Variants in NCKAP5 observed in about 807,000 individuals in gnomAD.
The protein encoded by NCKAP5 is nck-associated protein 5.
NCKAP5 carries 92 observed loss-of-function variants against 167.0 expected under a neutral mutation model. The observed-to-expected ratio is 0.55, with a 90% CI of 0.47 to 0.66. The LOEUF is 0.66. NCKAP5 is among the 30% of genes least tolerant of loss of function. NCKAP5 has a pLI of 0.00. For missense variants in NCKAP5, 2,378 were observed against 2,315.0 expected, an observed-to-expected ratio of 1.03 and a Z score of -0.56; for synonymous variants, 891 against 877.4, an observed-to-expected ratio of 1.02 and a Z score of -0.27.
intron 3 of NCKAP5, among the ~76,000 whole-genome samples, chr2:133,501,914 A>G (rs1265319088): frequency 6.6e-6 from 1 of 152,240 alleles, no homozygotes; most frequent in Non-Finnish European, 1.5e-5. Flanking sequence ...CCTCCTGGGA[A>G]TTCCTAAATC....
chr2:133,068,152 T>C (rs978115844), intron 6 of NCKAP5, among the ~76,000 whole-genome samples: 3 of 152,130 alleles, frequency 2.0e-5, no homozygotes, highest in Admixed American at 6.5e-5. Flanking sequence ...CTACTACAGA[T>C]GCTCATAAAA....
intron 11 of NCKAP5, among the ~76,000 whole-genome samples, chr2:132,820,330 C>T (rs188138241): frequency 0.028 from 4,220 of 151,734 alleles, 93 homozygotes; most frequent in Middle Eastern, 0.054. Flanking sequence ...TCCGGGTTCA[C>T]GCCATTCTCC....
At chr2:133,082,175 G>A (rs1180863786) in intron 6 of NCKAP5, among the ~76,000 whole-genome samples, 1 of 152,138 alleles carries the variant, frequency 6.6e-6, no homozygotes, top group Non-Finnish European at 1.5e-5. Flanking sequence ...CTTAGGATAA[G>A]ATTTCACAGC....
At position 133,155,377 on chromosome 2, in the gene NCKAP5, G is replaced by A. The variant is rs186484001; in HGVS notation, c.208-25266C>T. 3.9e-5 allele frequency among the ~76,000 whole-genome samples: 6 copies of A among 152,278 alleles called. No individual in the cohort carries two copies. In the East Asian group the frequency reaches 9.7e-4, roughly 25 times the overall value. ...ATTTCTGATTCAGTACTGCTGGGATGGGGCTGAGAATCTGCACCTCTAACT... is the reference window on the plus strand; with the variant it reads ...ATTTCTGATTCAGTACTGCTGGGATAGGGCTGAGAATCTGCACCTCTAACT... On this transcript the variant is annotated intron_variant, in intron 5 of 19. Coordinates refer to ENST00000409261, the MANE Select transcript of NCKAP5 (RefSeq NM_207363.3).
intron 7 of NCKAP5, among the ~76,000 whole-genome samples, chr2:132,988,261 G>A (rs909818502): frequency 2.6e-5 from 4 of 151,936 alleles, no homozygotes; most frequent in Admixed American, 6.6e-5. Context: ...TCAGGAGATC[G>A]AGACCATCAT....
Position 132,963,697 on chromosome 2 carries a change from G to A in NCKAP5, c.579+23C>T, listed in dbSNP as rs138585333. The A allele has an allele frequency of 2.8e-5, 45 of 1,609,386 alleles. 1 individual carries two copies. The African/African-American group carries it at 4.6e-4, about 16-fold the overall frequency. On this transcript the variant is annotated intron_variant, in intron 8 of 19. Transcript: ENST00000409261. ...AATACTGTTATTTTTCTTGAAGAGT[G>A]TAAAAATTGCTTCATTTCTTACCTC...
At chr2:133,462,410 AG>A (rs1337656342) in intron 3 of NCKAP5, among the ~76,000 whole-genome samples, 1 of 152,226 alleles carries the variant, frequency 6.6e-6, no homozygotes, top group Non-Finnish European at 1.5e-5. Flanking sequence ...CGGCTTCGCA[AG>A]GCATTTGAAA....
rs1573783901 is a variant in NCKAP5, at chr2:132,673,017, A to T, written c.*272T>A. ...CAGTCCCAGCTCACTAAGGGAAGAGATGTCCTTTATACATCATTTGAACCT... is the reference window on the plus strand; with the variant it reads ...CAGTCCCAGCTCACTAAGGGAAGAGTTGTCCTTTATACATCATTTGAACCT... On this transcript the variant is annotated 3_prime_UTR_variant, in exon 20 of 20. Transcript: ENST00000409261. 1.0e-6 allele frequency: 1 copy of T among 971,022 alleles called. No individual in the cohort carries two copies. The highest frequency in any genetic ancestry group is 1.9e-5 in the African/African-American group (1 of 51,482). 60.2% of individuals were successfully genotyped at this position (971,022 alleles called of 1,614,324 possible).
the NCKAP5 span, among the ~76,000 whole-genome samples, chr2:133,633,823 A>T: frequency 6.6e-6 from 1 of 152,228 alleles, no homozygotes; most frequent in South Asian, 2.1e-4. Context: ...GGCATCTAAA[A>T]GATAAATAGA....
chr2:132,851,729 G>A (rs916550176), intron 11 of NCKAP5, among the ~76,000 whole-genome samples: 7 of 152,084 alleles, frequency 4.6e-5, no homozygotes, highest in East Asian at 1.9e-4. Flanking sequence ...CCTGCAGCCC[G>A]ACAGGTTAAA....
intron 8 of NCKAP5, among the ~76,000 whole-genome samples, chr2:132,925,860 C>T (rs1261294328): frequency 6.6e-6 from 1 of 152,134 alleles, no homozygotes; most frequent in Non-Finnish European, 1.5e-5. Context: ...TTCCTGACCA[C>T]CAGGTGTTAT....
At chr2:132,804,863 G>A (rs1395040631) in intron 11 of NCKAP5, among the ~76,000 whole-genome samples, 3 of 151,958 alleles carry the variant, frequency 2.0e-5, no homozygotes, top group Admixed American at 6.6e-5. Context: ...CCAGGATTCT[G>A]TCCCAGACCT....
intron 11 of NCKAP5, among the ~76,000 whole-genome samples, chr2:132,841,111 T>G (rs1367690997): frequency 3.9e-5 from 6 of 152,176 alleles, no homozygotes; most frequent in Admixed American, 1.3e-4. Flanking sequence ...CCATATTGAT[T>G]TTAAATATAA....
At chr2:132,836,434 T>C (rs1687890447) in intron 11 of NCKAP5, among the ~76,000 whole-genome samples, 3 of 152,100 alleles carry the variant, frequency 2.0e-5, no homozygotes, top group Admixed American at 2.0e-4. Flanking sequence ...TTGTTATTGT[T>C]ATTGGTGTTT....
At chr2:132,899,380 T>G (rs985717884) in intron 8 of NCKAP5, among the ~76,000 whole-genome samples, 6 of 152,248 alleles carry the variant, frequency 3.9e-5, no homozygotes, top group Admixed American at 3.3e-4. Flanking sequence ...CCACTGAAAC[T>G]TTCTCCATAA....
intron 8 of NCKAP5, among the ~76,000 whole-genome samples, chr2:132,931,780 A>AT (rs940648270): frequency 3.3e-5 from 5 of 152,188 alleles, no homozygotes; most frequent in African/African-American, 1.2e-4. Flanking sequence ...TATAATAGTG[A>AT]TTTTTTACCC....
At chr2:133,169,131 A>G (rs549137108) in intron 5 of NCKAP5, among the ~76,000 whole-genome samples, 2 of 152,334 alleles carry the variant, frequency 1.3e-5, no homozygotes, top group East Asian at 1.9e-4. Flanking sequence ...TAAACATCAT[A>G]AAGTGGGAAA....
chr2:133,265,611 G>C (rs1262782882), intron 4 of NCKAP5, among the ~76,000 whole-genome samples: 7 of 152,206 alleles, frequency 4.6e-5, no homozygotes, highest in Admixed American at 4.6e-4. Context: ...TGGTGAGCTG[G>C]GCGGGAGGTG....
chr2:132,748,579 G>T (rs140871824), intron 16 of NCKAP5, among the ~76,000 whole-genome samples: 210 of 152,280 alleles, frequency 1.4e-3, no homozygotes, highest in African/African-American at 4.8e-3. Flanking sequence ...GGAATTCAAA[G>T]CCAGGTCTTC....
Sources: gnomAD v4.1 joint callset for allele counts (sites outside exome capture counted in the v4.1 genomes callset) on GRCh38, gnomAD v4.1.1 for gene constraint, MANE v1.5 for transcripts, NCBI Gene and HGNC (gene_info 2026-07-23, HGNC 2026-07-21) for gene names.